DMKN: variants seen among roughly 807,000 people sequenced by gnomAD.
DMKN encodes dermokine.
DMKN carries 58 observed loss-of-function variants against 67.6 expected under a neutral mutation model. That is an observed-to-expected ratio of 0.86 (90% CI 0.69 to 1.07). The LOEUF (loss-of-function observed/expected upper bound fraction) is 1.07. Ranked by LOEUF, DMKN falls within the 50% of genes least tolerant of loss-of-function variation. The pLI is 0.00. For missense variants in DMKN, 596 were observed against 601.5 expected (o/e 0.99, Z 0.10); for synonymous variants, 240 against 232.3 (o/e 1.03, Z -0.30).
At chr19:35,509,348 T>G (rs2070261152) in intron 7 of DMKN, among the ~76,000 whole-genome samples, 2 of 152,190 alleles carry the variant, frequency 1.3e-5, no homozygotes, top group Admixed American at 1.3e-4. Flanking sequence ...ATGTCTCTAC[T>G]CAGCCCCAGC....
Position 35,513,151 on chromosome 19 carries a change from T to TAA in DMKN, c.324_325insTT (p.Thr109LeufsTer79), listed in dbSNP as rs1383370767. On this transcript the variant is annotated frameshift_variant, in exon 1 of 16. Coordinates refer to ENST00000339686, the MANE Select transcript of DMKN (RefSeq NM_033317.5). LOFTEE classifies it high-confidence loss of function. ...GCCTGTCTGCCAATCTCGTGCCCAG[T>TAA]GTTTCCCAGAGCATGGGCTGCTTCC... 3 of 1,614,068 alleles carry TAA rather than the reference T, an allele frequency of 1.9e-6. No individual in the cohort carries two copies. Among genetic ancestry groups the TAA allele is most frequent in the South Asian group, 2.2e-5 (2 of 91,092 alleles).
At chr19:35,512,060 C>T (rs1471993090) in intron 3 of DMKN, among the ~76,000 whole-genome samples, 1 of 142,430 alleles carries the variant, frequency 7.0e-6, no homozygotes, top group Non-Finnish European at 1.5e-5. Flanking sequence ...TGCAGTGATG[C>T]GATCTCGGCT....
intron 9 of DMKN, among the ~76,000 whole-genome samples, chr19:35,504,572 C>T (rs1401455427): frequency 1.2e-4 from 15 of 121,016 alleles, no homozygotes; most frequent in Admixed American, 9.4e-4. Context: ...AGCGAGACTC[C>T]GTCTCACCAA....
intron 2 of DMKN, 45 bp from the exon 3 acceptor site, chr19:35,512,522 G>C: frequency 6.2e-7 from 1 of 1,614,110 alleles, no homozygotes. Context: ...AGGGACCAGG[G>C]AGGCACGCGG....
intron 9 of DMKN, among the ~76,000 whole-genome samples, chr19:35,504,289 C>T (rs558154088): frequency 6.6e-6 from 1 of 152,058 alleles, no homozygotes; most frequent in South Asian, 2.1e-4. Flanking sequence ...CTCTGTGAAA[C>T]AGAGAGGCCA....
In DMKN at chr19:35,513,049, C is replaced by T. The variant is rs774898074; in HGVS notation, c.426+1G>A. The T allele has an allele frequency of 3.1e-6, 5 of 1,613,350 alleles. No individual in the cohort carries two copies. In the South Asian group the frequency reaches 4.4e-5, roughly 14 times the overall value. On this transcript the variant is annotated splice_donor_variant, in intron 1 of 15. Coordinates refer to ENST00000339686, the MANE Select transcript of DMKN (RefSeq NM_033317.5). LOFTEE classifies it high-confidence loss of function. ...CCACATGCAGCCCCACAGCCACTCA[C>T]CCAAGCACCATTGTGGCCAGGCACC... is the stretch of plus-strand genomic sequence containing the variant.
rs767470817 is a variant in DMKN at position 35,510,469 on chromosome 19, A to G, written c.919-217T>C. On this transcript the variant is annotated intron_variant, in intron 5 of 15. Coordinates refer to ENST00000339686, the MANE Select transcript of DMKN (RefSeq NM_033317.5). ...GGCCGAGGGTATTCGGAACTACGCA[A>G]TGATTTGGAGAACCTGAGCTGCTGC... The G allele has an allele frequency of 5.5e-5, 86 of 1,551,636 alleles. No homozygotes were observed. In the African/African-American group the frequency reaches 1.0e-3, roughly 18 times the overall value.
rs1322471031 is a variant in DMKN at position 35,512,599 on chromosome 19, G to T, written c.618C>A (p.Thr206=). The T allele has an allele frequency of 6.2e-7, 1 of 1,614,028 alleles. No individual in the cohort carries two copies. Among genetic ancestry groups the T allele is most frequent in the African/African-American group, 1.3e-5 (1 of 74,918 alleles). The change falls in exon 2 of 16, where the codon ACC becomes ACA. Residue 206 remains threonine (T), a synonymous_variant. Coordinates refer to ENST00000339686, the MANE Select transcript of DMKN (RefSeq NM_033317.5). The stretch of plus-strand genomic sequence containing the variant: ...CTGGGGGTGACTTTACCTGAGTGTT[G>T]GTCCCAAAGTTTGGTGGCCCTCCAT... ...GGNGGPPNFG[T]NTQGAVAQPG... is the part of the protein sequence containing the mutation.
chr19:35,512,957 A>G, intron 1 of DMKN, 93 bp downstream of exon 1: 6 of 1,563,222 alleles, frequency 3.8e-6, no homozygotes, highest in Non-Finnish European at 5.2e-6. Context: ...CCTGCAAGTA[A>G]GAGATCCATC....
rs748895946 is a variant in DMKN, at chr19:35,511,445, C to G, written c.884G>C (p.Gly295Ala). Residue 295 changes from glycine to alanine, a missense_variant, in exon 5 of 16, where the codon GGC becomes GCC. By Grantham distance (60) the Gly-to-Ala change is moderately conservative (BLOSUM62 0). Transcript: ENST00000339686. ...CTCACTGCCGCTGTCACCTCTGCTG[C>G]CACCACTGTTGCCACTGCTGCCACC... The part of the protein sequence containing the change: ...SSGGSSGNSG[G>A]SRGDSGSESS... 2.5e-6 allele frequency: 4 copies of G among 1,589,898 alleles called. No homozygotes were observed. Among genetic ancestry groups the G allele is most frequent in the Non-Finnish European group, 3.4e-6 (4 of 1,172,420 alleles).
intron 11 of DMKN, among the ~76,000 whole-genome samples, chr19:35,501,122 C>G (rs1043805844): frequency 1.3e-5 from 2 of 152,166 alleles, no homozygotes; most frequent in African/African-American, 2.4e-5. Context: ...GACACCCCCC[C>G]CAGCCCCAGC....
chr19:35,513,402 T>G lies in DMKN; in HGVS notation c.74A>C (p.Gln25Pro). ...CLGSGEAGPL[Q>P]SGEESTGTNI... ...TGTCCCAGTGCTTTCCTCTCCGCTC[T>G]GCAGGGGGCCAGCCTCCCCACTGCC... The change falls in exon 1 of 16, where the codon CAG becomes CCG. Residue 25 changes from glutamine to proline, a missense_variant. By Grantham distance (76) the Gln-to-Pro change is moderately conservative (BLOSUM62 -1). Coordinates refer to ENST00000339686, the MANE Select transcript of DMKN (RefSeq NM_033317.5). The G allele has an allele frequency of 1.2e-6, 2 of 1,607,396 alleles. No homozygotes were observed.
chr19:35,503,485 T>G (rs1481871871), intron 9 of DMKN: 24 of 1,539,624 alleles, frequency 1.6e-5, no homozygotes, highest in South Asian at 9.7e-5. Context: ...TTTTTTTTTT[T>G]TTTTTTTTGA....
chr19:35,506,872 G>T (rs1240740124), intron 7 of DMKN: 1 of 218,790 alleles, frequency 4.6e-6, no homozygotes, highest in Non-Finnish European at 9.4e-6. Context: ...AATTAGTCAG[G>T]CATGGTGGCA....
At chr19:35,511,308 T>C in intron 5 of DMKN, 103 bp downstream of exon 5, 1 of 1,567,574 alleles carries the variant, frequency 6.4e-7, no homozygotes. Context: ...AGGCCGCCCA[T>C]CCTCGGGCAG....
chr19:35,507,159 C>T (rs902021040), intron 7 of DMKN: 8 of 272,422 alleles, frequency 2.9e-5, no homozygotes, highest in Non-Finnish European at 5.6e-5. Context: ...CTTTCTCCTT[C>T]TCAACACTGC....
chr19:35,511,718 A>G (rs1404555875), intron 4 of DMKN, 45 bp downstream of exon 4: 12 of 1,600,596 alleles, frequency 7.5e-6, no homozygotes, highest in Non-Finnish European at 9.4e-6. Context: ...GAACTTCTCC[A>G]TTTCCTCCTG....
At chr19:35,501,532 A>C (rs1030723210) in intron 11 of DMKN, among the ~76,000 whole-genome samples, 2 of 152,154 alleles carry the variant, frequency 1.3e-5, no homozygotes, top group African/African-American at 4.8e-5. Context: ...TATACTTGGC[A>C]CACGTAGACA....
chr19:35,501,947 G>C, intron 11 of DMKN, 189 bp downstream of exon 11: 1 of 1,555,816 alleles, frequency 6.4e-7, no homozygotes, highest in East Asian at 2.4e-5. Flanking sequence ...TTTTATGCTA[G>C]GGAGGTCCTC....
Sources: allele counts gnomAD v4.1 joint callset (sites outside exome capture counted in the v4.1 genomes callset), GRCh38; gene constraint gnomAD v4.1.1; transcripts MANE v1.5; gene names NCBI Gene and HGNC (gene_info 2026-07-23, HGNC 2026-07-21).